The following PREP variants were observed in gnomAD, a reference collection of about 807,000 sequenced individuals.
PREP encodes the protein prolyl endopeptidase.
Under a neutral mutation model 87.6 loss-of-function variants are expected in PREP, and 29 were observed. The ratio of observed to expected loss-of-function variants is 0.33; its 90% CI spans 0.25 to 0.45. PREP has a LOEUF of 0.45. PREP is among the 20% of genes least tolerant of loss of function. The pLI is 1.00. For synonymous variants in PREP, 337 were observed against 328.6 expected (o/e 1.03, Z -0.28); for missense variants, 695 against 886.5 (o/e 0.78, Z 2.74).
intron 1 of PREP, among the ~76,000 whole-genome samples, chr6:105,398,236 C>T (rs1447680882): frequency 1.3e-5 from 2 of 152,190 alleles, no homozygotes; most frequent in Non-Finnish European, 2.9e-5. Context: ...TGAAAACGTG[C>T]TGTCAGCAGC....
chr6:105,389,109 G>C (rs560855431), intron 2 of PREP, among the ~76,000 whole-genome samples: 1 of 152,190 alleles, frequency 6.6e-6, no homozygotes, highest in East Asian at 1.9e-4. Context: ...TTCTGACTAA[G>C]CAATTAGGAG....
intron 10 of PREP, among the ~76,000 whole-genome samples, chr6:105,312,807 GA>G (rs1770785206): frequency 6.6e-6 from 1 of 152,134 alleles, no homozygotes; most frequent in Non-Finnish European, 1.5e-5. Context: ...AAAATGAGCA[GA>G]ACCAGGATGG....
At chr6:105,364,019 C>T (rs1772318314) in intron 6 of PREP, among the ~76,000 whole-genome samples, 1 of 152,150 alleles carries the variant, frequency 6.6e-6, no homozygotes, top group Non-Finnish European at 1.5e-5. Context: ...CAATGATAGA[C>T]CAACAAACAA....
At chr6:105,322,589 A>G (rs1771040205) in intron 10 of PREP, 1 of 986,746 alleles carries the variant, frequency 1.0e-6, no homozygotes, top group African/African-American at 1.7e-5. Context: ...CATATATTAA[A>G]TATTTCAGGC....
chr6:105,346,051 C>G (rs1771788331), intron 7 of PREP, among the ~76,000 whole-genome samples: 1 of 151,918 alleles, frequency 6.6e-6, no homozygotes, highest in Non-Finnish European at 1.5e-5. Context: ...TGTTTTTATA[C>G]TGTCTTTTGA....
chr6:105,398,926 G>A (rs1206618024), intron 1 of PREP, among the ~76,000 whole-genome samples: 1 of 152,022 alleles, frequency 6.6e-6, no homozygotes, highest in East Asian at 1.9e-4. Context: ...TGGCCAACAT[G>A]CTGAAATCCT....
rs779948493 is a variant in PREP, at chr6:105,373,428, G to C, written c.536C>G (p.Thr179Ser). 6.2e-7 allele frequency: 1 copy of C among 1,614,132 alleles called. No individual in the cohort carries two copies. The highest frequency in any genetic ancestry group is 1.1e-5 in the South Asian group (1 of 91,082). Residue 179 changes from threonine (T) to serine (S), a missense_variant, in exon 5 of 15, where the codon ACC becomes AGC. Physicochemically the swap from Thr to Ser is moderately conservative, Grantham distance 58. Transcript: ENST00000652536. ...ERVKFSCMAW[T>S]HDGKGMFYNS... is the part of the protein sequence containing the mutation. ...GTAGAACATTCCCTTCCCATCATGG[G>C]TCCAGGCCATACAGCTGAACTTGAC...
At chr6:105,397,679 T>C (rs1773321116) in intron 2 of PREP, among the ~76,000 whole-genome samples, 174 bp downstream of exon 2, 1 of 152,210 alleles carries the variant, frequency 6.6e-6, no homozygotes, top group Non-Finnish European at 1.5e-5. Flanking sequence ...AGCCATGCTT[T>C]TGTCTTTTTC....
chr6:105,390,940 T>C (rs1032813512), intron 2 of PREP, among the ~76,000 whole-genome samples: 4 of 151,980 alleles, frequency 2.6e-5, no homozygotes, highest in African/African-American at 7.3e-5. Flanking sequence ...GCATTCTCCT[T>C]GCCTGCATAT....
chr6:105,334,681 TCACTC>T (rs1307243129), intron 7 of PREP, among the ~76,000 whole-genome samples: 1 of 139,956 alleles, frequency 7.1e-6, no homozygotes, highest in Non-Finnish European at 1.5e-5. Context: ...TTGCGCCACT[TCACTC>T]CAGCCTGAGC....
intron 10 of PREP, chr6:105,322,599 C>G (rs1442163120): frequency 2.1e-5 from 21 of 986,882 alleles, no homozygotes; most frequent in Non-Finnish European, 2.2e-5. Flanking sequence ...ATATTTCAGG[C>G]CTTCTGGGAC....
chr6:105,323,054 T>C (rs1771054489), intron 10 of PREP: 1 of 1,303,990 alleles, frequency 7.7e-7, no homozygotes, highest in South Asian at 1.2e-5. Context: ...GAGACATTCT[T>C]CGTCATCATC....
chr6:105,378,943 C>T (rs1327957955), intron 2 of PREP, among the ~76,000 whole-genome samples: 1 of 152,164 alleles, frequency 6.6e-6, no homozygotes, highest in Non-Finnish European at 1.5e-5. Flanking sequence ...CTACAAAAAC[C>T]ACCAATCCCA....
intron 9 of PREP, 78 bp downstream of exon 9, chr6:105,328,751 T>C: frequency 1.4e-6 from 2 of 1,466,734 alleles, no homozygotes; most frequent in East Asian, 2.3e-5. Context: ...AACATAGCAT[T>C]ATACTTCCAT....
chr6:105,365,033 G>A (rs6906789), intron 6 of PREP, among the ~76,000 whole-genome samples: 13,260 of 152,216 alleles, frequency 0.087, 841 homozygotes, highest in African/African-American at 0.18. Flanking sequence ...GCGGATCAGA[G>A]GTCAGGAGTT....
At chr6:105,332,786 G>T (rs911170885) in intron 8 of PREP, among the ~76,000 whole-genome samples, 1 of 152,176 alleles carries the variant, frequency 6.6e-6, no homozygotes, top group Non-Finnish European at 1.5e-5. Flanking sequence ...GACTGATACG[G>T]AAGTGACGTT....
intron 7 of PREP, among the ~76,000 whole-genome samples, chr6:105,346,866 T>G (rs1029092239): frequency 1.3e-5 from 2 of 152,236 alleles, no homozygotes; most frequent in African/African-American, 2.4e-5. Context: ...TTTGGGAAGC[T>G]GAGGCAGACG....
At chr6:105,309,070 A>G (rs1583047347) in intron 10 of PREP, among the ~76,000 whole-genome samples, 1 of 151,990 alleles carries the variant, frequency 6.6e-6, no homozygotes, top group African/African-American at 2.4e-5. Flanking sequence ...AGGAGGCCAG[A>G]GCGGCTGCAG....
intron 10 of PREP, among the ~76,000 whole-genome samples, chr6:105,292,180 A>G (rs548419820): frequency 6.6e-6 from 1 of 152,300 alleles, no homozygotes; most frequent in South Asian, 2.1e-4. Flanking sequence ...TCTTCATGGT[A>G]TCTAGAATGG....
Sources: gnomAD v4.1 joint callset for allele counts (sites outside exome capture counted in the v4.1 genomes callset) on GRCh38, gnomAD v4.1.1 for gene constraint, MANE v1.5 for transcripts, NCBI Gene and HGNC (gene_info 2026-07-23, HGNC 2026-07-21) for gene names.